The following OSBPL10 variants were observed in gnomAD, a reference collection of about 807,000 sequenced individuals.
OSBPL10 encodes oxysterol-binding protein-related protein 10.
OSBPL10 carries 49 observed loss-of-function variants against 81.7 expected under a neutral mutation model. That is an observed-to-expected ratio of 0.60 (90% CI 0.48 to 0.76). The LOEUF (loss-of-function observed/expected upper bound fraction) is 0.76, where lower values mean the gene tolerates loss of function less well. Ranked by LOEUF, OSBPL10 falls within the 30% of genes least tolerant of loss-of-function variation. OSBPL10 has a pLI of 0.00. For missense variants in OSBPL10, 923 were observed against 987.8 expected, an observed-to-expected ratio of 0.93 and a Z score of 0.88; for synonymous variants, 419 against 383.6, an observed-to-expected ratio of 1.09 and a Z score of -1.08.
chr3:31,697,861 C>T lies in OSBPL10; in HGVS notation c.1245+4498G>A, dbSNP rs540499003. ...CACTGCAACCTCCGCCTCCCGAGTT[C>T]AAGCGATTCTCCTGCCTCAGCCTCC... On this transcript the variant is annotated intron_variant, in intron 7 of 11. Transcript: ENST00000396556. Among the ~76,000 whole-genome samples, 10 of 152,168 alleles carry T rather than the reference C, an allele frequency of 6.6e-5. No individual in the cohort carries two copies. The South Asian group carries it at 1.7e-3, about 25-fold the overall frequency.
chr3:31,945,739 T>C (rs1286261121), intron 1 of OSBPL10, among the ~76,000 whole-genome samples: 2 of 152,018 alleles, frequency 1.3e-5, no homozygotes. Context: ...ACCAGAGGGG[T>C]TTATACTGCT....
intron 1 of OSBPL10, among the ~76,000 whole-genome samples, chr3:32,047,146 T>C (rs1355498478): frequency 1.3e-5 from 2 of 152,098 alleles, no homozygotes; most frequent in Non-Finnish European, 2.9e-5. Flanking sequence ...CCAGCTAATT[T>C]TCGTATTCTT....
intron 1 of OSBPL10, among the ~76,000 whole-genome samples, chr3:31,938,312 A>C (rs1470076239): frequency 6.6e-6 from 1 of 151,876 alleles, no homozygotes; most frequent in Non-Finnish European, 1.5e-5. Context: ...ACTCAACCAA[A>C]TCCCAACCCC....
At chr3:31,813,499 G>C (rs1445614494) in intron 4 of OSBPL10, among the ~76,000 whole-genome samples, 3 of 152,210 alleles carry the variant, frequency 2.0e-5, no homozygotes, top group Admixed American at 1.3e-4. Flanking sequence ...GTTCATGTAA[G>C]TTAAGGCTAC....
At chr3:31,994,026 C>T (rs1345667743) in intron 2 of OSBPL10, among the ~76,000 whole-genome samples, 1 of 152,116 alleles carries the variant, frequency 6.6e-6, no homozygotes, top group African/African-American at 2.4e-5. Flanking sequence ...TACATGTATA[C>T]AATAAATGAG....
rs766388241 is a variant in OSBPL10, at chr3:32,060,973, CAAA to C, written n.186-14373_186-14371del. On this transcript the variant is annotated intron_variant and non_coding_transcript_variant, in intron 1 of 3. Transcript: ENST00000479173. ...GGGCAACAAGAGCAAAACTCCGCCT[CAAA>C]AAAAAAAAAAAAACCCTCAGAGGAC... 2.3e-4 allele frequency among the ~76,000 whole-genome samples: 5 copies of C among 21,590 alleles called. 2 individuals are homozygous for C. Among genetic ancestry groups the C allele is most frequent in the African/African-American group, 3.9e-4 (5 of 12,712 alleles). The allele number at this position is 21,590 out of a possible 152,430, so 14.2% of individuals were successfully genotyped here.
intron 6 of OSBPL10, among the ~76,000 whole-genome samples, chr3:31,709,616 C>G (rs1696189263): frequency 6.6e-6 from 1 of 151,986 alleles, no homozygotes; most frequent in Non-Finnish European, 1.5e-5. Flanking sequence ...CAAGGAAAAC[C>G]TAAAGAAAGT....
intron 1 of OSBPL10, among the ~76,000 whole-genome samples, chr3:31,914,595 A>T (rs1696693922): frequency 6.6e-6 from 1 of 152,142 alleles, no homozygotes; most frequent in Admixed American, 6.5e-5. Flanking sequence ...AGTATATGGA[A>T]TTATTTGAGC....
intron 4 of OSBPL10, among the ~76,000 whole-genome samples, chr3:31,779,942 T>C (rs1366856465): frequency 6.6e-6 from 1 of 152,236 alleles, no homozygotes; most frequent in Non-Finnish European, 1.5e-5. Flanking sequence ...AATTTGCTCC[T>C]GAATAATCTT....
At chr3:31,783,005 C>G (rs1174080929) in intron 4 of OSBPL10, among the ~76,000 whole-genome samples, 1 of 151,578 alleles carries the variant, frequency 6.6e-6, no homozygotes, top group Non-Finnish European at 1.5e-5. Context: ...TATAGCAGCA[C>G]AATTTGCAAT....
intron 1 of OSBPL10, among the ~76,000 whole-genome samples, chr3:31,951,819 A>C (rs913249237): frequency 6.6e-6 from 1 of 152,098 alleles, no homozygotes; most frequent in Admixed American, 6.5e-5. Context: ...TTACACATCC[A>C]GTTAAGTGAA....
chr3:31,662,009 TCTA>T lies in OSBPL10; in HGVS notation c.*60_*62del, dbSNP rs1383146239. The T allele has an allele frequency of 7.0e-5, 111 of 1,594,050 alleles. No homozygotes were observed. The highest frequency in any genetic ancestry group is 9.1e-5 in the Non-Finnish European group (107 of 1,171,770). ...GTGAATGCCAACAAAACCCTGATACTCTACTACTTTAATATTCCTACAAAAACA... is the reference window on the plus strand; with the variant it reads ...GTGAATGCCAACAAAACCCTGATACTCTACTTTAATATTCCTACAAAAACA... On this transcript the variant is annotated 3_prime_UTR_variant, in exon 12 of 12. Transcript: ENST00000396556.
At chr3:32,075,293 T>A (rs1014447013) in intron 1 of OSBPL10, among the ~76,000 whole-genome samples, 3 of 152,150 alleles carry the variant, frequency 2.0e-5, no homozygotes, top group Non-Finnish European at 4.4e-5. Context: ...ATGAAGAGTG[T>A]TGTTTTTACC....
At chr3:31,692,156 G>A (rs1218293343) in intron 7 of OSBPL10, among the ~76,000 whole-genome samples, 1 of 152,126 alleles carries the variant, frequency 6.6e-6, no homozygotes, top group Non-Finnish European at 1.5e-5. Flanking sequence ...CAGAGTCCCA[G>A]ACATCAGCTC....
intron 6 of OSBPL10, chr3:31,708,778 T>C (rs1696158190): frequency 3.0e-6 from 3 of 985,450 alleles, no homozygotes. Flanking sequence ...GGTGGCTGTG[T>C]CTAATTCTCC....
intron 10 of OSBPL10, among the ~76,000 whole-genome samples, chr3:31,665,530 G>C (rs1282937637): frequency 6.6e-6 from 1 of 152,142 alleles, no homozygotes; most frequent in African/African-American, 2.4e-5. Flanking sequence ...CAGTGAACTA[G>C]GGACAGCCAG....
chr3:31,892,727 G>C (rs536889535), intron 1 of OSBPL10, among the ~76,000 whole-genome samples: 1 of 152,290 alleles, frequency 6.6e-6, no homozygotes, highest in Admixed American at 6.5e-5. Context: ...GAGAGGGCGA[G>C]GGTGAGGGCA....
intron 1 of OSBPL10, among the ~76,000 whole-genome samples, chr3:32,048,667 C>T (rs565565306): frequency 5.6e-4 from 85 of 152,204 alleles, no homozygotes; most frequent in Middle Eastern, 3.4e-3. Flanking sequence ...TTTAAATCCC[C>T]CCATCCAACT....
intron 11 of OSBPL10, 83 bp downstream of exon 11, chr3:31,663,996 G>C (rs1387591796): frequency 6.2e-6 from 10 of 1,613,494 alleles, no homozygotes; most frequent in Non-Finnish European, 8.5e-6. Flanking sequence ...TCCAGTCTTG[G>C]GGGCTCAGCA....
Sources: allele counts gnomAD v4.1 joint callset (sites outside exome capture counted in the v4.1 genomes callset), GRCh38; gene constraint gnomAD v4.1.1; transcripts MANE v1.5; gene names NCBI Gene and HGNC (gene_info 2026-07-23, HGNC 2026-07-21).